Variants in ATG14 observed in about 807,000 individuals in gnomAD.
ATG14 encodes autophagy related 14, also known as beclin 1-associated autophagy-related key regulator.
ATG14 carries 35 observed loss-of-function variants against 60.4 expected under a neutral mutation model. The ratio of observed to expected loss-of-function variants is 0.58; its 90% CI spans 0.44 to 0.77. The LOEUF (loss-of-function observed/expected upper bound fraction) is 0.77. Ranked by LOEUF, ATG14 falls within the 30% of genes least tolerant of loss-of-function variation. ATG14 has a pLI of 0.00. For synonymous variants in ATG14, 234 were observed against 228.8 expected, an observed-to-expected ratio of 1.02 and a Z score of -0.21; for missense variants, 647 against 626.3, an observed-to-expected ratio of 1.03 and a Z score of -0.35.
chr14:55,396,555 G>C (rs373191856), intron 2 of ATG14, among the ~76,000 whole-genome samples: 2 of 152,202 alleles, frequency 1.3e-5, no homozygotes, highest in African/African-American at 4.8e-5. Flanking sequence ...TCAGTGGCCT[G>C]AGCATTAACT....
At chr14:55,382,512 T>TG (rs1412698424) in intron 5 of ATG14, among the ~76,000 whole-genome samples, 3 of 152,018 alleles carry the variant, frequency 2.0e-5, no homozygotes, top group Non-Finnish European at 4.4e-5. Context: ...TTTGTAGAGA[T>TG]GGGGTCTCAC....
chr14:55,377,353 A>C (rs1884938884), intron 9 of ATG14, among the ~76,000 whole-genome samples: 1 of 152,210 alleles, frequency 6.6e-6, no homozygotes, highest in Non-Finnish European at 1.5e-5. Flanking sequence ...ATCTCAAAAA[A>C]AAAAGGAAAT....
At chr14:55,374,536 G>C (rs1419452497) in intron 9 of ATG14, among the ~76,000 whole-genome samples, 3 of 152,302 alleles carry the variant, frequency 2.0e-5, no homozygotes, top group East Asian at 3.9e-4. Flanking sequence ...TCAGAGTTCT[G>C]ACACAGGAAG....
chr14:55,410,324 A>G (rs373887294), intron 1 of ATG14, among the ~76,000 whole-genome samples: 1 of 152,228 alleles, frequency 6.6e-6, no homozygotes, highest in Non-Finnish European at 1.5e-5. Context: ...AATTATGTGA[A>G]TAGACATAGT....
intron 1 of ATG14, among the ~76,000 whole-genome samples, chr14:55,407,731 A>G (rs1447624411): frequency 2.6e-5 from 4 of 152,230 alleles, no homozygotes; most frequent in Non-Finnish European, 4.4e-5. Context: ...AATAAATAAT[A>G]TTACACATTG....
intron 1 of ATG14, among the ~76,000 whole-genome samples, chr14:55,410,111 GATTGAC>G (rs1885548506): frequency 6.6e-6 from 1 of 152,182 alleles, no homozygotes; most frequent in Non-Finnish European, 1.5e-5. Flanking sequence ...GGAACAATGA[GATTGAC>G]ATTTACTGGG....
intron 4 of ATG14, among the ~76,000 whole-genome samples, chr14:55,386,496 G>A (rs879599616): frequency 6.6e-6 from 1 of 152,206 alleles, no homozygotes; most frequent in Non-Finnish European, 1.5e-5. Flanking sequence ...CTTCTTAGGT[G>A]TGCCTTGGGC....
intron 5 of ATG14, among the ~76,000 whole-genome samples, chr14:55,383,528 G>A (rs1011981726): frequency 6.6e-6 from 1 of 151,990 alleles, no homozygotes; most frequent in African/African-American, 2.4e-5. Flanking sequence ...TCCAGCCTGG[G>A]TGACAAAGCG....
intron 3 of ATG14, among the ~76,000 whole-genome samples, chr14:55,393,607 G>A (rs1320451023): frequency 1.3e-5 from 2 of 150,580 alleles, no homozygotes; most frequent in African/African-American, 2.5e-5. Context: ...GTATGGTGGT[G>A]TGATTACAGC....
chr14:55,399,882 G>C (rs1000574437), intron 1 of ATG14, among the ~76,000 whole-genome samples: 2 of 152,216 alleles, frequency 1.3e-5, no homozygotes, highest in Non-Finnish European at 2.9e-5. Flanking sequence ...TAGCTTAATA[G>C]TGAGCTGGTT....
chr14:55,386,901 A>G (rs904876747), intron 4 of ATG14, among the ~76,000 whole-genome samples: 1 of 152,094 alleles, frequency 6.6e-6, no homozygotes, highest in Non-Finnish European at 1.5e-5. Context: ...CCAAGTTCAA[A>G]ATCAAGTTCA....
intron 1 of ATG14, 65 bp downstream of exon 1, chr14:55,411,537 C>T: frequency 6.7e-7 from 1 of 1,497,596 alleles, no homozygotes; most frequent in Middle Eastern, 2.0e-4. Context: ...CAGGTTCCAG[C>T]CTTCGGCTGC....
intron 9 of ATG14, among the ~76,000 whole-genome samples, 195 bp from the exon 10 acceptor site, chr14:55,370,120 T>G (rs1001493199): frequency 6.6e-6 from 1 of 152,216 alleles, no homozygotes; most frequent in African/African-American, 2.4e-5. Flanking sequence ...ACCCAAGTTA[T>G]AAATAAAATC....
chr14:55,378,932 T>C (rs1344697732), intron 7 of ATG14, among the ~76,000 whole-genome samples: 4 of 152,036 alleles, frequency 2.6e-5, no homozygotes, highest in Non-Finnish European at 4.4e-5. Context: ...GGTCTCTAAC[T>C]CCTGAGCTCA....
At chr14:55,401,475 G>A (rs1885397739) in intron 1 of ATG14, among the ~76,000 whole-genome samples, 1 of 152,038 alleles carries the variant, frequency 6.6e-6, no homozygotes, top group South Asian at 2.1e-4. Flanking sequence ...CCTGTTCCAT[G>A]CCTGGCTCTT....
chr14:55,369,957 T>TAACA (rs1352469220), intron 9 of ATG14, 32 bp from the exon 10 acceptor site: 1 of 1,545,112 alleles, frequency 6.5e-7, no homozygotes, highest in Non-Finnish European at 8.7e-7. Flanking sequence ...CTCTTTAGGA[T>TAACA]AACAACCATT....
intron 1 of ATG14, among the ~76,000 whole-genome samples, chr14:55,402,715 T>C (rs891072822): frequency 1.3e-5 from 2 of 150,146 alleles, no homozygotes; most frequent in African/African-American, 4.9e-5. Context: ...TGAGAAAGCA[T>C]AGCATAAATA....
At chr14:55,383,584 ACAAC>A (rs1885072133) in intron 5 of ATG14, among the ~76,000 whole-genome samples, 3 of 151,560 alleles carry the variant, frequency 2.0e-5, no homozygotes, top group East Asian at 1.9e-4. Context: ...AACAACAACA[ACAAC>A]AAAAAAAACC....
In ATG14 at chr14:55,377,728, AT is replaced by A. The variant is rs1884946026; in HGVS notation, c.1172+90del. 5 of 890,384 alleles carry A rather than the reference AT, an allele frequency of 5.6e-6. No individual in the cohort carries two copies. In the Admixed American group the frequency reaches 1.1e-4, roughly 19 times the overall value. 55.2% of individuals were successfully genotyped at this position (890,384 alleles called of 1,614,324 possible). ...TTTTGTCCGGTTTGAGGAGTTTGGG[AT>A]TAGGGAACACGACTCTACTATGCCA... On this transcript the variant is annotated intron_variant, in intron 9 of 9. Transcript: ENST00000247178.
Sources: gnomAD v4.1 joint callset for allele counts (sites outside exome capture counted in the v4.1 genomes callset) on GRCh38, gnomAD v4.1.1 for gene constraint, MANE v1.5 for transcripts, NCBI Gene and HGNC (gene_info 2026-07-23, HGNC 2026-07-21) for gene names.